The following PCDH15 variants were observed in gnomAD, a reference collection of about 807,000 sequenced individuals.
The protein encoded by PCDH15 is protocadherin-15.
PCDH15 carries 129 observed loss-of-function variants against 178.5 expected under a neutral mutation model. That is an observed-to-expected ratio of 0.72 (90% CI 0.63 to 0.84). The LOEUF is 0.84. PCDH15 is among the 40% of genes least tolerant of loss of function. The pLI is 0.00. For synonymous variants in PCDH15, 800 were observed against 732.0 expected, an observed-to-expected ratio of 1.09 and a Z score of -1.50; for missense variants, 2,230 against 2,099.9, an observed-to-expected ratio of 1.06 and a Z score of -1.21.
At chr10:54,648,625 G>C (rs1405764454) in intron 2 of PCDH15, among the ~76,000 whole-genome samples, 3 of 152,010 alleles carry the variant, frequency 2.0e-5, no homozygotes, top group Admixed American at 1.3e-4. Context: ...TGTGGATGAA[G>C]GTATATGGTA....
intron 2 of PCDH15, among the ~76,000 whole-genome samples, chr10:55,559,809 A>G (rs984065291): frequency 6.6e-6 from 1 of 151,940 alleles, no homozygotes; most frequent in African/African-American, 2.4e-5. Context: ...TTCAGTAATG[A>G]CAGAATTTTT....
At chr10:55,348,484 G>C (rs1844822249) in intron 2 of PCDH15, among the ~76,000 whole-genome samples, 1 of 151,990 alleles carries the variant, frequency 6.6e-6, no homozygotes, top group Admixed American at 6.6e-5. Context: ...CAAACCCCTG[G>C]CTTTGTGAAG....
chr10:54,432,601 T>C (rs1412641911), intron 3 of PCDH15, among the ~76,000 whole-genome samples: 2 of 152,032 alleles, frequency 1.3e-5, no homozygotes, highest in Non-Finnish European at 2.9e-5. Flanking sequence ...AAGACTGAAA[T>C]CTAAGACTTC....
intron 3 of PCDH15, among the ~76,000 whole-genome samples, chr10:54,522,479 T>C (rs1158543081): frequency 6.6e-6 from 1 of 152,224 alleles, no homozygotes; most frequent in African/African-American, 2.4e-5. Flanking sequence ...ATGGCTCACA[T>C]CTTCAGTCTT....
intron 2 of PCDH15, among the ~76,000 whole-genome samples, chr10:55,460,025 A>G (rs927146433): frequency 6.6e-5 from 10 of 152,086 alleles, no homozygotes; most frequent in Admixed American, 5.9e-4. Flanking sequence ...TTGACAAGAA[A>G]AACCAGAACA....
At chr10:54,394,193 C>T (rs548348935) in intron 3 of PCDH15, among the ~76,000 whole-genome samples, 11 of 152,230 alleles carry the variant, frequency 7.2e-5, no homozygotes, top group Admixed American at 6.5e-4. Flanking sequence ...CCATAAATTA[C>T]ATGAATCTAT....
intron 23 of PCDH15, among the ~76,000 whole-genome samples, chr10:53,955,587 T>C (rs1250999455): frequency 1.3e-5 from 2 of 152,218 alleles, no homozygotes; most frequent in Non-Finnish European, 2.9e-5. Flanking sequence ...GTAAAAGCCA[T>C]GTGTACCTCA....
rs1382306051 is a variant in PCDH15 at position 54,242,195 on chromosome 10, CACACAT to C, written c.877-5270_877-5265del. Among the ~76,000 whole-genome samples, 237 of 124,716 alleles carry C rather than the reference CACACAT, an allele frequency of 1.9e-3. 2 individuals are homozygous for C. Among genetic ancestry groups the C allele is most frequent in the African/African-American group, 6.6e-3 (219 of 33,058 alleles). The allele number at this position is 124,716 out of a possible 152,430, so 81.8% of individuals were successfully genotyped here. ...ATATATATATATATATATACACACACACACATACATACATACACATAATCATTAATA... is the reference window on the plus strand; with the variant it reads ...ATATATATATATATATATACACACACACATACATACACATAATCATTAATA... On this transcript the variant is annotated intron_variant, in intron 8 of 37. Coordinates refer to ENST00000644397, the MANE Select transcript of PCDH15 (RefSeq NM_001384140.1).
chr10:53,937,532 A>G (rs1322221650), intron 25 of PCDH15, among the ~76,000 whole-genome samples: 5 of 152,186 alleles, frequency 3.3e-5, no homozygotes, highest in Non-Finnish European at 7.4e-5. Context: ...TTTTTAAACA[A>G]TTTAATTATG....
intron 1 of PCDH15, among the ~76,000 whole-genome samples, chr10:55,304,769 C>T (rs886599809): frequency 6.6e-6 from 1 of 151,944 alleles, no homozygotes; most frequent in African/African-American, 2.4e-5. Context: ...GGAAAGAGGG[C>T]TAACTATAGG....
chr10:54,415,942 G>A (rs1024934006), intron 3 of PCDH15, among the ~76,000 whole-genome samples: 3 of 151,878 alleles, frequency 2.0e-5, no homozygotes, highest in African/African-American at 7.3e-5. Context: ...GAGGTGAATA[G>A]GTATAATATT....
At chr10:55,152,758 T>A (rs1694370816) in intron 2 of PCDH15, among the ~76,000 whole-genome samples, 1 of 152,186 alleles carries the variant, frequency 6.6e-6, no homozygotes, top group African/African-American at 2.4e-5. Flanking sequence ...AATTTACATT[T>A]GCCCTAAGAC....
intron 1 of PCDH15, among the ~76,000 whole-genome samples, chr10:55,179,144 C>T (rs1283984043): frequency 6.6e-6 from 1 of 152,128 alleles, no homozygotes; most frequent in African/African-American, 2.4e-5. Context: ...AATGGAGCCT[C>T]AGATGATGGC....
At chr10:54,357,588 C>T (rs571289640) in intron 5 of PCDH15, among the ~76,000 whole-genome samples, 99 of 151,662 alleles carry the variant, frequency 6.5e-4, no homozygotes, top group African/African-American at 2.3e-3. Flanking sequence ...GCCATACTGC[C>T]CAAGGTAATT....
At chr10:53,892,951 A>T (rs995533868) in intron 26 of PCDH15, among the ~76,000 whole-genome samples, 2 of 152,236 alleles carry the variant, frequency 1.3e-5, no homozygotes, top group African/African-American at 4.8e-5. Context: ...CTAAAAATAT[A>T]TGATATAATC....
At chr10:54,028,123 C>T (rs1275514431) in intron 18 of PCDH15, among the ~76,000 whole-genome samples, 16 of 149,734 alleles carry the variant, frequency 1.1e-4, no homozygotes, top group East Asian at 3.9e-4. Context: ...AAAAAGTGGG[C>T]GAAGGACATG....
At chr10:54,247,935 A>AATAT (rs147562225) in intron 8 of PCDH15, among the ~76,000 whole-genome samples, 4,359 of 139,334 alleles carry the variant, frequency 0.031, 62 homozygotes, top group Non-Finnish European at 0.039. Flanking sequence ...TGCATGAAAG[A>AATAT]ATATATATAT....
At chr10:53,864,638 CTT>C (rs903750484) in intron 27 of PCDH15, among the ~76,000 whole-genome samples, 53 of 152,040 alleles carry the variant, frequency 3.5e-4, no homozygotes, top group African/African-American at 1.3e-3. Context: ...TAACCAGGCC[CTT>C]GAGTCACTTG....
intron 2 of PCDH15, among the ~76,000 whole-genome samples, chr10:54,926,530 C>T (rs1251112848): frequency 6.6e-6 from 1 of 151,848 alleles, no homozygotes. Context: ...GAAATTGTAC[C>T]AGAGCTTTTA....
Sources: gnomAD v4.1 joint callset for allele counts (sites outside exome capture counted in the v4.1 genomes callset) on GRCh38, gnomAD v4.1.1 for gene constraint, MANE v1.5 for transcripts, NCBI Gene and HGNC (gene_info 2026-07-23, HGNC 2026-07-21) for gene names.